Variants in CCDC3 observed in about 807,000 individuals in gnomAD.
CCDC3 encodes the protein coiled-coil domain-containing protein 3.
In CCDC3, 24 loss-of-function variants were observed where a neutral mutation model predicts 21.4. That is an observed-to-expected ratio of 1.12 (90% CI 0.81 to 1.58). CCDC3 has a LOEUF of 1.58. Among genes scored for constraint, CCDC3 ranks in the 40% most tolerant of loss-of-function variants. The probability of loss-of-function intolerance (pLI) is 0.00; values close to 1 mark genes in which losing one functional copy is unlikely to be tolerated. For synonymous variants in CCDC3, 186 were observed against 166.0 expected, an observed-to-expected ratio of 1.12 and a Z score of -0.93; for missense variants, 425 against 360.9, an observed-to-expected ratio of 1.18 and a Z score of -1.44.
Position 13,001,264 on chromosome 10 carries a change from C to A in CCDC3, c.307G>T (p.Gly103Cys), listed in dbSNP as rs1407582274. 6.3e-7 allele frequency: 1 copy of A among 1,598,700 alleles called. No homozygotes were observed. Among genetic ancestry groups the A allele is most frequent in the African/African-American group, 1.3e-5 (1 of 74,890 alleles). ...VPAGSRLNLT[G>C]LGYFSCHSHT... Reference sequence around the variant, plus strand: ...GAGTGGCACGAGAAGTAGCCCAGGCCGGTGAGGTTGAGCCTGGAGCCGGCG... The same window carrying A: ...GAGTGGCACGAGAAGTAGCCCAGGCAGGTGAGGTTGAGCCTGGAGCCGGCG... Residue 103 changes from glycine (G) to cysteine (C), a missense_variant, in exon 1 of 3, where the codon GGC (glycine) becomes TGC (cysteine). By Grantham distance (159) the Gly-to-Cys change is radical. Coordinates refer to ENST00000378825, the MANE Select transcript of CCDC3 (RefSeq NM_031455.4).
chr10:12,945,610 A>T (rs1834903976), intron 2 of CCDC3, among the ~76,000 whole-genome samples: 1 of 152,210 alleles, frequency 6.6e-6, no homozygotes, highest in Non-Finnish European at 1.5e-5. Flanking sequence ...CTCTGTGTTA[A>T]AACAGCAAGG....
intron 2 of CCDC3, among the ~76,000 whole-genome samples, chr10:12,972,554 G>A (rs1022505658): frequency 6.6e-6 from 1 of 152,146 alleles, no homozygotes; most frequent in Non-Finnish European, 1.5e-5. Flanking sequence ...GATGGCATAT[G>A]CCTGTAATAC....
At chr10:12,973,200 G>A (rs2131266149) in intron 2 of CCDC3, among the ~76,000 whole-genome samples, 1 of 152,294 alleles carries the variant, frequency 6.6e-6, no homozygotes, top group Non-Finnish European at 1.5e-5. Context: ...GTAGTCTGAT[G>A]GATTACAGGG....
In CCDC3 at chr10:13,065,538, G is replaced by C. The variant is rs144658026; in HGVS notation, c.-270+8330C>G. Among the ~76,000 whole-genome samples, 73 of 152,252 alleles carry C rather than the reference G, an allele frequency of 4.8e-4. 1 individual carries two copies. In the East Asian group the frequency reaches 0.012, roughly 25 times the overall value. On this transcript the variant is annotated intron_variant, in intron 4 of 6. Coordinates refer to the CCDC3 transcript ENST00000378839. ...GGCATGCTTGGCCACTCTATCTTTA[G>C]TATAGGCTTATGGATATTAAGAACG...
chr10:13,056,702 G>A (rs1232882063), intron 4 of CCDC3, among the ~76,000 whole-genome samples: 1 of 152,176 alleles, frequency 6.6e-6, no homozygotes, highest in Non-Finnish European at 1.5e-5. Flanking sequence ...GTTATGGTTG[G>A]GCCTGGGGTC....
At chr10:12,965,369 A>G (rs1835245641) in intron 2 of CCDC3, among the ~76,000 whole-genome samples, 1 of 152,146 alleles carries the variant, frequency 6.6e-6, no homozygotes, top group Non-Finnish European at 1.5e-5. Flanking sequence ...TAGAGGGAAA[A>G]TCTTCTCCCT....
rs2439129 is a variant in CCDC3 at position 12,917,245 on chromosome 10, C to G, written c.550-18566G>C. On this transcript the variant is annotated intron_variant, in intron 2 of 2. Coordinates refer to ENST00000378825, the MANE Select transcript of CCDC3 (RefSeq NM_031455.4). Reference sequence around the variant, plus strand: ...GTCTTGCTCTGTTGCCCAGGCCGGACTGCAGTGGCGCTATCTCGGCTCACT... The same window carrying G: ...GTCTTGCTCTGTTGCCCAGGCCGGAGTGCAGTGGCGCTATCTCGGCTCACT... 2.0e-4 allele frequency among the ~76,000 whole-genome samples: 24 copies of G among 120,398 alleles called. No homozygotes were observed. The East Asian group carries it at 5.4e-3, about 27-fold the overall frequency. The allele number at this position is 120,398 out of a possible 152,430, so 79.0% of individuals were successfully genotyped here.
intron 4 of CCDC3, among the ~76,000 whole-genome samples, chr10:13,070,546 G>C (rs571505602): frequency 4.6e-5 from 7 of 152,206 alleles, no homozygotes; most frequent in Non-Finnish European, 1.0e-4. Context: ...CCTAACCTGC[G>C]GTAGGTAAAG....
chr10:13,085,147 C>T (rs1837087423), intron 3 of CCDC3, among the ~76,000 whole-genome samples: 1 of 152,108 alleles, frequency 6.6e-6, no homozygotes. Flanking sequence ...CTGCCACCAC[C>T]ACCCCAGCAA....
At chr10:12,977,304 G>GGGAAA (rs374007338) in intron 2 of CCDC3, among the ~76,000 whole-genome samples, 3 of 151,398 alleles carry the variant, frequency 2.0e-5, no homozygotes, top group East Asian at 1.9e-4. Flanking sequence ...GAAAGGAAAG[G>GGGAAA]GGAAAGGAAA....
In CCDC3 at chr10:13,001,574, G is replaced by A. The variant is rs1205745100; in HGVS notation, c.-4C>T. 3 of 1,212,734 alleles carry A rather than the reference G, an allele frequency of 2.5e-6. No individual in the cohort carries two copies. The highest frequency in any genetic ancestry group is 3.2e-4 in the Middle Eastern group (1 of 3,086). 75.1% of individuals were successfully genotyped at this position (1,212,734 alleles called of 1,614,324 possible). On this transcript the variant is annotated 5_prime_UTR_variant, in exon 1 of 3. Coordinates refer to ENST00000378825, the MANE Select transcript of CCDC3 (RefSeq NM_031455.4). ...CGAGCAGCAGCTGGCGCAGCATGCC[G>A]GGCCCTCCCGGGGCGCACGGGGCGG... is the stretch of plus-strand genomic sequence containing the variant.
intron 5 of CCDC3, among the ~76,000 whole-genome samples, chr10:13,031,296 A>G (rs993019950): frequency 2.4e-4 from 36 of 152,216 alleles, no homozygotes; most frequent in African/African-American, 8.4e-4. Flanking sequence ...TTTGAAACCA[A>G]CGAGAACATA....
Position 13,024,535 on chromosome 10 carries a change from C to A in CCDC3, c.-2+25139G>T, listed in dbSNP as rs575928565. Among the ~76,000 whole-genome samples, 169 of 152,294 alleles carry A rather than the reference C, an allele frequency of 1.1e-3. 1 individual carries two copies. Among genetic ancestry groups the A allele is most frequent in the Middle Eastern group, 0.01 (3 of 294 alleles). On this transcript the variant is annotated intron_variant, in intron 5 of 6. Coordinates refer to the CCDC3 transcript ENST00000378839. The stretch of plus-strand genomic sequence containing the variant: ...TCACTCCCAGCACCCTGCATTGCAT[C>A]TTGAAACCAAGGCCATTTCTTACTT...
At chr10:13,025,137 CTTGGAG>C (rs932637717) in intron 5 of CCDC3, among the ~76,000 whole-genome samples, 2 of 152,142 alleles carry the variant, frequency 1.3e-5, no homozygotes, top group Admixed American at 1.3e-4. Flanking sequence ...ATATTGTTGA[CTTGGAG>C]TTGGACTGTC....
intron 2 of CCDC3, among the ~76,000 whole-genome samples, chr10:12,987,055 C>T (rs956351628): frequency 1.3e-5 from 2 of 152,126 alleles, no homozygotes; most frequent in Admixed American, 6.5e-5. Flanking sequence ...TCCACTGACC[C>T]GTGCACCCTC....
At chr10:13,058,560 C>A in intron 4 of CCDC3, 1 of 701,358 alleles carries the variant, frequency 1.4e-6, no homozygotes, top group South Asian at 1.5e-5. Flanking sequence ...TATTTTTATC[C>A]TGCATCACCA....
chr10:12,921,545 C>T (rs535771296), intron 2 of CCDC3, among the ~76,000 whole-genome samples: 38 of 152,326 alleles, frequency 2.5e-4, no homozygotes, highest in South Asian at 4.1e-4. Context: ...TTCAAATGAT[C>T]TCTTAAAAAT....
intron 2 of CCDC3, among the ~76,000 whole-genome samples, chr10:12,978,603 G>C (rs1835452049): frequency 6.6e-6 from 1 of 152,004 alleles, no homozygotes; most frequent in South Asian, 2.1e-4. Context: ...AAGGCAGGAG[G>C]CCAACCTGGG....
At chr10:13,013,794 A>G (rs1216817759) in intron 5 of CCDC3, among the ~76,000 whole-genome samples, 1 of 152,234 alleles carries the variant, frequency 6.6e-6, no homozygotes, top group Non-Finnish European at 1.5e-5. Flanking sequence ...ATAATCTTCA[A>G]AAGTATCAAG....
Sources: gnomAD v4.1 joint callset for allele counts (sites outside exome capture counted in the v4.1 genomes callset) on GRCh38, gnomAD v4.1.1 for gene constraint, MANE v1.5 for transcripts, NCBI Gene and HGNC (gene_info 2026-07-23, HGNC 2026-07-21) for gene names.